The following LRRK1 variants were observed in gnomAD, a reference collection of about 807,000 sequenced individuals.
The protein encoded by LRRK1 is leucine rich repeat kinase 1.
In LRRK1, 113 loss-of-function variants were observed where a neutral mutation model predicts 209.1. The observed-to-expected ratio is 0.54, with a 90% CI of 0.46 to 0.63. The LOEUF is 0.63. Among genes scored for constraint, LRRK1 ranks in the 30% least tolerant of loss-of-function variants. The pLI, the probability that LRRK1 is intolerant of heterozygous loss-of-function variation, is 0.00. For missense variants in LRRK1, 2,284 were observed against 2,632.2 expected, an observed-to-expected ratio of 0.87 and a Z score of 2.89; for synonymous variants, 1,144 against 1,099.7, an observed-to-expected ratio of 1.04 and a Z score of -0.80.
chr15:100,939,772 G>A, intron 2 of LRRK1, among the ~76,000 whole-genome samples: 1 of 140,548 alleles, frequency 7.1e-6, no homozygotes, highest in Non-Finnish European at 1.5e-5. Context: ...AGTTTGTACA[G>A]CAAAGTCGGG....
chr15:100,990,358 A>G (rs1263334828), intron 6 of LRRK1, among the ~76,000 whole-genome samples: 1 of 151,994 alleles, frequency 6.6e-6, no homozygotes, highest in African/African-American at 2.4e-5. Context: ...TTCCTGTTGC[A>G]ATATAGCCTG....
intron 2 of LRRK1, among the ~76,000 whole-genome samples, chr15:100,950,852 C>T (rs1367445085): frequency 1.3e-5 from 2 of 152,230 alleles, no homozygotes; most frequent in Non-Finnish European, 2.9e-5. Context: ...GCCTGTCATC[C>T]CAGCACTTTG....
At chr15:101,042,133 T>G (rs2034791193) in intron 20 of LRRK1, among the ~76,000 whole-genome samples, 1 of 152,252 alleles carries the variant, frequency 6.6e-6, no homozygotes, top group Non-Finnish European at 1.5e-5. Flanking sequence ...GCTCTTCACT[T>G]CTTTCCATCT....
At chr15:101,060,222 GGAGGCAGGA>G (rs1398689360) in intron 29 of LRRK1, among the ~76,000 whole-genome samples, 1 of 152,196 alleles carries the variant, frequency 6.6e-6, no homozygotes, top group African/African-American at 2.4e-5. Flanking sequence ...AGGAAGGAAA[GGAGGCAGGA>G]GAGGCAGGGC....
At chr15:101,063,201 C>G (rs967022434) in intron 31 of LRRK1, among the ~76,000 whole-genome samples, 6 of 152,196 alleles carry the variant, frequency 3.9e-5, no homozygotes, top group Non-Finnish European at 5.9e-5. Context: ...CCTCCTAGCC[C>G]TGGCCTTTCT....
intron 6 of LRRK1, among the ~76,000 whole-genome samples, chr15:100,997,960 T>G (rs147424124): frequency 6.6e-6 from 1 of 152,110 alleles, no homozygotes; most frequent in East Asian, 1.9e-4. Context: ...TGGTGGATCA[T>G]CTGAGGTTAG....
intron 20 of LRRK1, 46 bp from the exon 21 acceptor site, chr15:101,045,934 TG>T: frequency 6.4e-7 from 1 of 1,554,228 alleles, no homozygotes; most frequent in Non-Finnish European, 8.9e-7. Flanking sequence ...GGCCCTGCAG[TG>T]GAGCTTGGGC....
At chr15:100,977,293 C>T (rs1005902287) in intron 3 of LRRK1, among the ~76,000 whole-genome samples, 5 of 152,136 alleles carry the variant, frequency 3.3e-5, no homozygotes, top group Admixed American at 6.5e-5. Flanking sequence ...CAACCCTCTT[C>T]GGCAAAACAC....
At chr15:100,945,758 GCTGGGATTACAGGCAT>G (rs1422036839) in intron 2 of LRRK1, among the ~76,000 whole-genome samples, 5 of 152,076 alleles carry the variant, frequency 3.3e-5, no homozygotes, top group African/African-American at 1.2e-4. Flanking sequence ...TTCCCAAAGT[GCTGGGATTACAGGCAT>G]GAGCCACAGT....
chr15:101,034,234 T>C (rs1342536800), intron 20 of LRRK1, among the ~76,000 whole-genome samples: 2 of 152,238 alleles, frequency 1.3e-5, no homozygotes, highest in Non-Finnish European at 2.9e-5. Flanking sequence ...TTGTTTCCTA[T>C]GCAGTGAAGA....
chr15:100,961,257 A>G (rs1326928877), intron 2 of LRRK1, among the ~76,000 whole-genome samples: 1 of 152,204 alleles, frequency 6.6e-6, no homozygotes, highest in Non-Finnish European at 1.5e-5. Flanking sequence ...TCCCCACCAT[A>G]GTGACCTTAT....
intron 2 of LRRK1, among the ~76,000 whole-genome samples, chr15:100,956,752 C>T (rs1337345870): frequency 6.6e-6 from 1 of 152,100 alleles, no homozygotes; most frequent in Non-Finnish European, 1.5e-5. Context: ...CGTGAGCCAC[C>T]ATGACCAGCC....
At chr15:101,052,152 C>G (rs896698748) in intron 24 of LRRK1, among the ~76,000 whole-genome samples, 192 bp downstream of exon 24, 6 of 152,158 alleles carry the variant, frequency 3.9e-5, no homozygotes, top group African/African-American at 1.4e-4. Context: ...TGCCGGCTTT[C>G]CATTTTGGAG....
At chr15:100,966,391 G>A (rs2141642890) in intron 2 of LRRK1, among the ~76,000 whole-genome samples, 2 of 151,900 alleles carry the variant, frequency 1.3e-5, no homozygotes, top group Middle Eastern at 3.4e-3. Flanking sequence ...CATTACTTTT[G>A]TAGTGTCTGT....
intron 20 of LRRK1, among the ~76,000 whole-genome samples, chr15:101,045,590 G>A (rs2035025753): frequency 6.6e-6 from 1 of 152,208 alleles, no homozygotes; most frequent in Non-Finnish European, 1.5e-5. Context: ...CCTTGCAGCT[G>A]TGTTTGTTTT....
intron 20 of LRRK1, among the ~76,000 whole-genome samples, chr15:101,039,301 T>C (rs950879105): frequency 1.1e-4 from 17 of 152,240 alleles, no homozygotes; most frequent in African/African-American, 4.1e-4. Context: ...GTGGTTTGTT[T>C]TCAGTATTCA....
intron 2 of LRRK1, among the ~76,000 whole-genome samples, chr15:100,961,481 T>C (rs957127353): frequency 7.2e-5 from 11 of 152,100 alleles, no homozygotes; most frequent in East Asian, 3.9e-4. Context: ...GGTGAAACCC[T>C]GTCTCTACTA....
chr15:101,014,465 G>C (rs1358979310), intron 11 of LRRK1, 37 bp downstream of exon 11: 43 of 1,406,132 alleles, frequency 3.1e-5, no homozygotes, highest in Non-Finnish European at 4.2e-5. Context: ...CAGTTCCAAA[G>C]CGTGTGTGGG....
chr15:101,009,286 G>A (rs1436207099), intron 7 of LRRK1, among the ~76,000 whole-genome samples: 1 of 152,260 alleles, frequency 6.6e-6, no homozygotes, highest in Non-Finnish European at 1.5e-5. Flanking sequence ...CTCACCCGGG[G>A]ACATGCGAAT....
Sources: gnomAD v4.1 joint callset for allele counts (sites outside exome capture counted in the v4.1 genomes callset) on GRCh38, gnomAD v4.1.1 for gene constraint, MANE v1.5 for transcripts, NCBI Gene and HGNC (gene_info 2026-07-23, HGNC 2026-07-21) for gene names.